THUMPD2: variants seen among roughly 807,000 people sequenced by gnomAD.
THUMPD2 encodes THUMP domain 2 tRNA and snRNA guanosine methyltransferase, also known as U6 snRNA (guanine-N(2))-methyltransferase THUMPD2.
Under a neutral mutation model 49.4 loss-of-function variants are expected in THUMPD2, and 56 were observed. The ratio of observed to expected loss-of-function variants is 1.13; its 90% CI spans 0.91 to 1.41. The LOEUF (loss-of-function observed/expected upper bound fraction) is 1.41, where lower values mean the gene tolerates loss of function less well. THUMPD2 is among the 40% of genes most tolerant of loss of function. The pLI, the probability that THUMPD2 is intolerant of heterozygous loss-of-function variation, is 0.00. For missense variants in THUMPD2, 709 were observed against 594.5 expected (o/e 1.19, Z -2.00); for synonymous variants, 237 against 205.2 (o/e 1.15, Z -1.32).
chr2:39,745,976 C>T (rs1674529133), intron 8 of THUMPD2, among the ~76,000 whole-genome samples: 1 of 152,188 alleles, frequency 6.6e-6, no homozygotes, highest in Non-Finnish European at 1.5e-5. Context: ...TGGGAAATTA[C>T]TGCTTCAGTT....
At chr2:39,765,659 AC>A (rs1240030293) in intron 5 of THUMPD2, among the ~76,000 whole-genome samples, 1 of 151,886 alleles carries the variant, frequency 6.6e-6, no homozygotes, top group African/African-American at 2.4e-5. Flanking sequence ...CGTTTTCTCC[AC>A]CCTTTCTGTC....
rs183985294 is a variant in THUMPD2 at position 39,770,835 on chromosome 2, T to G, written c.262+670A>C. Among the ~76,000 whole-genome samples the G allele has an allele frequency of 1.1e-3, 172 of 152,244 alleles. 1 individual carries two copies. Among genetic ancestry groups the G allele is most frequent in the Non-Finnish European group, 2.0e-3 (136 of 67,974 alleles). On this transcript the variant is annotated intron_variant, in intron 2 of 9. Coordinates refer to ENST00000505747, the MANE Select transcript of THUMPD2 (RefSeq NM_025264.5). ...CTTGATTTCTTGCCATTTGCATCTT[T>G]CTTAAAATAGTTTATTATAGGCTAT...
chr2:39,756,023 C>T (rs1676072740), intron 6 of THUMPD2, 63 bp from the exon 7 acceptor site: 1 of 1,444,418 alleles, frequency 6.9e-7, no homozygotes, highest in Non-Finnish European at 9.7e-7. Flanking sequence ...ATAAAAGAAA[C>T]CTAAAACTTG....
intron 8 of THUMPD2, among the ~76,000 whole-genome samples, chr2:39,751,264 G>C (rs936725289): frequency 6.6e-6 from 1 of 152,230 alleles, no homozygotes; most frequent in African/African-American, 2.4e-5. Flanking sequence ...GAAAGAAAAT[G>C]CAAACACCTT....
intron 6 of THUMPD2, among the ~76,000 whole-genome samples, chr2:39,760,442 C>T (rs1004036769): frequency 1.3e-5 from 2 of 151,880 alleles, no homozygotes; most frequent in African/African-American, 2.4e-5. Flanking sequence ...ACAAAGAGAA[C>T]AATGAAATGA....
chr2:39,772,410 G>A (rs1678455607), intron 1 of THUMPD2, among the ~76,000 whole-genome samples: 1 of 152,186 alleles, frequency 6.6e-6, no homozygotes, highest in Non-Finnish European at 1.5e-5. Flanking sequence ...TACTCCAGAA[G>A]AGGCATAAAG....
chr2:39,751,597 AAACTT>A (rs1335350238), intron 8 of THUMPD2, among the ~76,000 whole-genome samples: 1 of 152,196 alleles, frequency 6.6e-6, no homozygotes, highest in African/African-American at 2.4e-5. Context: ...TTTCCTAAGA[AAACTT>A]ATAATATTCA....
In THUMPD2 at chr2:39,779,234, C is replaced by T; in HGVS notation, c.6G>A (p.Ser2=). 6.7e-7 allele frequency: 1 copy of T among 1,493,518 alleles called. No homozygotes were observed. The highest frequency in any genetic ancestry group is 8.9e-7 in the Non-Finnish European group (1 of 1,128,432). The allele number at this position is 1,493,518 out of a possible 1,614,324, so 92.5% of individuals were successfully genotyped here. Residue 2 remains serine, a synonymous_variant, in exon 1 of 10, where the codon TCG becomes TCA. Coordinates refer to ENST00000505747, the MANE Select transcript of THUMPD2 (RefSeq NM_025264.5). ...CGGACCCTGGCTCTCCACGCGCCTC[C>T]GACATGGCGGCTCAGGCGCGCCCTC... The part of the protein sequence containing the change: M[S]EARGEPGSGP...
Position 39,736,704 on chromosome 2 carries a change from G to A in THUMPD2, c.*31C>T. ...TTCTGCTGTACAGCTAACTTACAAG[G>A]GCCTGAACCCGGCTGATGGCAGCAA... On this transcript the variant is annotated 3_prime_UTR_variant, in exon 10 of 10. Transcript: ENST00000505747. 1 of 1,587,174 alleles carries A rather than the reference G, an allele frequency of 6.3e-7. No individual in the cohort carries two copies. The highest frequency in any genetic ancestry group is 8.6e-7 in the Non-Finnish European group (1 of 1,163,990).
At chr2:39,748,613 A>G (rs967081503) in intron 8 of THUMPD2, among the ~76,000 whole-genome samples, 1 of 152,000 alleles carries the variant, frequency 6.6e-6, no homozygotes, top group African/African-American at 2.4e-5. Context: ...GCTTGAACCC[A>G]GGAGGCGGAG....
intron 8 of THUMPD2, among the ~76,000 whole-genome samples, chr2:39,752,414 T>C (rs540403994): frequency 6.6e-6 from 1 of 152,226 alleles, no homozygotes. Context: ...TAAAAAGGCA[T>C]GAGATCCCTT....
At chr2:39,738,881 GT>G (rs1399626355) in intron 9 of THUMPD2, among the ~76,000 whole-genome samples, 1 of 151,866 alleles carries the variant, frequency 6.6e-6, no homozygotes, top group South Asian at 2.1e-4. Flanking sequence ...ATTTCAAGAA[GT>G]TCAGCTGTAC....
intron 1 of THUMPD2, among the ~76,000 whole-genome samples, chr2:39,773,600 A>G (rs1678653481): frequency 7.4e-6 from 1 of 135,738 alleles, no homozygotes; most frequent in Admixed American, 7.2e-5. Context: ...ATATATTTAT[A>G]TTTTAAAAAT....
intron 8 of THUMPD2, among the ~76,000 whole-genome samples, chr2:39,751,114 C>T (rs1036193373): frequency 6.6e-6 from 1 of 152,250 alleles, no homozygotes; most frequent in African/African-American, 2.4e-5. Flanking sequence ...CCACATTTCC[C>T]TCTGATTTCC....
intron 4 of THUMPD2, among the ~76,000 whole-genome samples, chr2:39,768,129 G>C (rs991794917): frequency 2.0e-5 from 3 of 152,054 alleles, no homozygotes; most frequent in Middle Eastern, 3.2e-3. Context: ...GTATTATAGA[G>C]ACTATAGAGA....
At chr2:39,777,452 C>G (rs1457587520) in intron 1 of THUMPD2, among the ~76,000 whole-genome samples, 2 of 152,176 alleles carry the variant, frequency 1.3e-5, no homozygotes, top group South Asian at 4.1e-4. Flanking sequence ...GACTCAGAGA[C>G]AAGTCCCAAT....
In THUMPD2 at chr2:39,744,487, T is replaced by G. The variant is rs764913285; in HGVS notation, c.1079-9A>C. 2 of 1,527,954 alleles carry G rather than the reference T, an allele frequency of 1.3e-6. No homozygotes were observed. Among genetic ancestry groups the G allele is most frequent in the African/African-American group, 1.4e-5 (1 of 70,814 alleles). The allele number at this position is 1,527,954 out of a possible 1,614,324, so 94.6% of individuals were successfully genotyped here. On this transcript the variant is annotated splice_polypyrimidine_tract_variant and intron_variant, in intron 8 of 9. Transcript: ENST00000505747. ...TGAAGGCAATGGCAATTCTGAAATA[T>G]AGAAATCAGAGAATCCTATTACAGT...
At chr2:39,745,336 CTACT>C (rs1264684606) in intron 8 of THUMPD2, among the ~76,000 whole-genome samples, 1 of 152,152 alleles carries the variant, frequency 6.6e-6, no homozygotes, top group Non-Finnish European at 1.5e-5. Flanking sequence ...AGTCTAATGA[CTACT>C]TGCTAGATCT....
At chr2:39,766,027 T>C (rs4670959) in intron 5 of THUMPD2, 30 bp downstream of exon 5, 701,320 of 1,543,806 alleles carry the variant, frequency 0.45, 165,147 homozygotes, top group East Asian at 0.73. Flanking sequence ...ATCTGTCTTA[T>C]GGGACAAACC....
Sources: gnomAD v4.1 joint callset for allele counts (sites outside exome capture counted in the v4.1 genomes callset) on GRCh38, gnomAD v4.1.1 for gene constraint, MANE v1.5 for transcripts, NCBI Gene and HGNC (gene_info 2026-07-23, HGNC 2026-07-21) for gene names.